POMGNT1: variants seen among roughly 807,000 people sequenced by gnomAD.
POMGNT1 encodes protein O-linked mannose N-acetylglucosaminyltransferase 1 (beta 1,2-).
In POMGNT1, 67 loss-of-function variants were observed where a neutral mutation model predicts 95.6. That is an observed-to-expected ratio of 0.70 (90% CI 0.58 to 0.86). The LOEUF is 0.86. Among genes scored for constraint, POMGNT1 ranks in the 40% least tolerant of loss-of-function variants. The pLI is 0.00. For synonymous variants in POMGNT1, 298 were observed against 317.9 expected, an observed-to-expected ratio of 0.94 and a Z score of 0.66; for missense variants, 719 against 855.2, an observed-to-expected ratio of 0.84 and a Z score of 1.99.
chr1:46,190,615 C>T lies in POMGNT1; in HGVS notation c.1605-98G>A, dbSNP rs1036658649. On this transcript the variant is annotated intron_variant, in intron 18 of 21. Transcript: ENST00000371984. The stretch of plus-strand genomic sequence containing the variant: ...AAGGGGTCACATGGGAATCTGTAGC[C>T]GCAGGGCTGGAGTAAACACACAGGC... 24 of 1,532,630 alleles carry T rather than the reference C, an allele frequency of 1.6e-5. No homozygotes were observed. In the African/African-American group the frequency reaches 1.9e-4, roughly 12 times the overall value. The allele number at this position is 1,532,630 out of a possible 1,614,324, so 94.9% of individuals were successfully genotyped here. A position where few individuals can be genotyped will look rare whatever the true frequency, so the allele number is the denominator to read the frequency against.
intron 1 of POMGNT1, among the ~76,000 whole-genome samples, chr1:46,212,393 G>A (rs970739000): frequency 6.6e-6 from 1 of 150,922 alleles, no homozygotes; most frequent in Non-Finnish European, 1.5e-5. Flanking sequence ...CCATTCTCCT[G>A]CCTCAGCCTC....
At chr1:46,197,600 T>C (rs1234774587) in intron 2 of POMGNT1, 102 bp downstream of exon 2, 7 of 1,582,510 alleles carry the variant, frequency 4.4e-6, no homozygotes, top group South Asian at 1.1e-5. Context: ...CTGCTGCCCC[T>C]TTCCCACTGG....
intron 1 of POMGNT1, among the ~76,000 whole-genome samples, chr1:46,218,025 G>C (rs1041770491): frequency 6.6e-6 from 1 of 152,140 alleles, no homozygotes; most frequent in African/African-American, 2.4e-5. Flanking sequence ...TGGGAAGTAG[G>C]ACCAGGATGG....
At chr1:46,207,215 G>A (rs775679847) in intron 1 of POMGNT1, among the ~76,000 whole-genome samples, 1 of 152,000 alleles carries the variant, frequency 6.6e-6, no homozygotes, top group African/African-American at 2.4e-5. Context: ...TGAGTAGCTG[G>A]GACTATGGGC....
chr1:46,190,820 C>T, intron 17 of POMGNT1, 36 bp from the exon 18 acceptor site: 1 of 1,563,148 alleles, frequency 6.4e-7, no homozygotes, highest in Non-Finnish European at 8.8e-7. Context: ...CAGCACCTCA[C>T]ATTGTCTGGC....
In POMGNT1 at chr1:46,213,209, G is replaced by A. The variant is rs181375290; in HGVS notation, c.-51+6496C>T. On this transcript the variant is annotated intron_variant, in intron 1 of 22. Coordinates refer to the POMGNT1 transcript ENST00000371992. The stretch of plus-strand genomic sequence containing the variant: ...ATACGACCAAAACATACGATGTTTC[G>A]ATGAACAGCATATACCATAGTGATT... 2.3e-4 allele frequency among the ~76,000 whole-genome samples: 35 copies of A among 151,222 alleles called. No homozygotes were observed. The East Asian group carries it at 2.9e-3, about 13-fold the overall frequency.
In POMGNT1 at chr1:46,193,341, A is replaced by G. The variant is rs1274829970; in HGVS notation, c.1074T>C (p.His358=). Residue 358 remains histidine, a synonymous_variant, in exon 12 of 22, where the codon CAT becomes CAC. Transcript: ENST00000371984. ...VALFGLRGIQ[H]TPISIKNARV... is the part of the protein sequence containing the mutation. The stretch of plus-strand genomic sequence containing the variant: ...GGGCATTCTTGATGCTGATGGGAGT[A>G]TGCTGGATGCCCCTCAGACCAAACA... 3.1e-6 allele frequency: 5 copies of G among 1,613,606 alleles called. No individual in the cohort carries two copies. In the East Asian group the frequency reaches 6.7e-5, roughly 22 times the overall value.
intron 1 of POMGNT1, among the ~76,000 whole-genome samples, chr1:46,206,086 C>A (rs562115206): frequency 6.6e-6 from 1 of 152,344 alleles, no homozygotes; most frequent in South Asian, 2.1e-4. Context: ...GTGGCAACTT[C>A]TTCTTAGTTC....
chr1:46,201,710 A>AAG (rs1422499927), upstream of POMGNT1, among the ~76,000 whole-genome samples: 1 of 151,694 alleles, frequency 6.6e-6, no homozygotes, highest in African/African-American at 2.4e-5. Flanking sequence ...AAAAAAAAAA[A>AAG]AAAAGAAAAA....
chr1:46,219,780 T>A lies in POMGNT1; in HGVS notation c.-126A>T, dbSNP rs1018781451. ...GGGCATCGAGGCAGTGCGCTGGCTG[T>A]TGGAGGAGCGGGGGACGTTGACCAG... On this transcript the variant is annotated 5_prime_UTR_variant, in exon 1 of 23. Transcript: ENST00000371992. 4.3e-6 allele frequency: 7 copies of A among 1,613,976 alleles called. No individual in the cohort carries two copies. The highest frequency in any genetic ancestry group is 5.9e-6 in the Non-Finnish European group (7 of 1,180,012).
chr1:46,195,256 C>T (rs1362043266), intron 6 of POMGNT1, among the ~76,000 whole-genome samples: 2 of 152,216 alleles, frequency 1.3e-5, no homozygotes, highest in African/African-American at 4.8e-5. Context: ...TTCTGCTCCA[C>T]CTCGACTAGC....
In POMGNT1 at chr1:46,196,460, T is replaced by C. The variant is rs1658247952; in HGVS notation, c.354+271A>G. ...GCCAAAGAAAGGACCAGGGGATGGTTATAAAATAAATCAATGAATTGACTG... is the reference window on the plus strand; with the variant it reads ...GCCAAAGAAAGGACCAGGGGATGGTCATAAAATAAATCAATGAATTGACTG... On this transcript the variant is annotated intron_variant, in intron 4 of 21. Coordinates refer to ENST00000371984, the MANE Select transcript of POMGNT1 (RefSeq NM_017739.4). This position sits in a 1 kb window ranked among gnomAD's most constrained non-coding sequence, Gnocchi z 4.4. Among the ~76,000 whole-genome samples, 1 of 152,240 alleles carries C rather than the reference T, an allele frequency of 6.6e-6. No individual in the cohort carries two copies. The highest frequency in any genetic ancestry group is 6.5e-5 in the Admixed American group (1 of 15,290).
intron 1 of POMGNT1, chr1:46,203,574 A>C: frequency 6.3e-7 from 1 of 1,578,078 alleles, no homozygotes; most frequent in Non-Finnish European, 8.6e-7. Flanking sequence ...AGGGGCGTCT[A>C]GCACCGGCCA....
At chr1:46,189,716 G>A (rs1657600615) in intron 20 of POMGNT1, 138 bp downstream of exon 20, 6 of 1,546,008 alleles carry the variant, frequency 3.9e-6, no homozygotes, top group Middle Eastern at 4.2e-4. Flanking sequence ...TTTGGACAAG[G>A]AGGTTGGAAG....
At position 46,196,196 on chromosome 1, in the gene POMGNT1, A is replaced by G; in HGVS notation, c.355-119T>C. 6.4e-7 allele frequency: 1 copy of G among 1,561,292 alleles called. No homozygotes were observed. Among genetic ancestry groups the G allele is most frequent in the East Asian group, 2.4e-5 (1 of 42,392 alleles). On this transcript the variant is annotated intron_variant, in intron 4 of 21. Coordinates refer to ENST00000371984, the MANE Select transcript of POMGNT1 (RefSeq NM_017739.4). The surrounding 1 kb of genome is among the most constrained non-coding windows in gnomAD (Gnocchi z 4.4). Reference sequence around the variant, plus strand: ...TCACCTCCTGCCTATGTTTCTGTTCACACAGTTCTTTTCCAACTCAGCTCG... The same window carrying G: ...TCACCTCCTGCCTATGTTTCTGTTCGCACAGTTCTTTTCCAACTCAGCTCG...
In POMGNT1 at chr1:46,193,590, T is replaced by C. The variant is rs1267806554; in HGVS notation, c.1000A>G (p.Thr334Ala). The C allele has an allele frequency of 5.6e-6, 9 of 1,614,032 alleles. No individual in the cohort carries two copies. Among genetic ancestry groups the C allele is most frequent in the Non-Finnish European group, 7.6e-6 (9 of 1,180,024 alleles). Residue 334 changes from threonine to alanine, a missense_variant, in exon 11 of 22, where the codon ACA becomes GCA. Coordinates refer to ENST00000371984, the MANE Select transcript of POMGNT1 (RefSeq NM_017739.4). Reference sequence around the variant, plus strand: ...TCATAGTAGCCGTCAATGAAAACTGTTATCATCTGAGGAGACACCCCCTGG... The same window carrying C: ...TCATAGTAGCCGTCAATGAAAACTGCTATCATCTGAGGAGACACCCCCTGG... Reference protein sequence around the residue: ...SAQGVSPQMITVFIDGYYEEP... With the variant: ...SAQGVSPQMIAVFIDGYYEEP...
chr1:46,195,677 G>A, intron 6 of POMGNT1, 134 bp downstream of exon 6: 1 of 830,544 alleles, frequency 1.2e-6, no homozygotes, highest in Non-Finnish European at 2.0e-6. Context: ...CAAATGTTAA[G>A]GCTGAGATTG....
chr1:46,190,831 C>T lies in POMGNT1; in HGVS notation c.1540-47G>A, dbSNP rs1302823300. The T allele has an allele frequency of 3.3e-6, 5 of 1,532,282 alleles. No individual in the cohort carries two copies. In the African/African-American group the frequency reaches 5.5e-5, roughly 17 times the overall value. The allele number at this position is 1,532,282 out of a possible 1,614,324, so 94.9% of individuals were successfully genotyped here. A position where few individuals can be genotyped will look rare whatever the true frequency, so the allele number is the denominator to read the frequency against. Reference sequence around the variant, plus strand: ...AAATCAGCACCTCACATTGTCTGGCCCACACCCACTTGCTGACCAGCCAGA... The same window carrying T: ...AAATCAGCACCTCACATTGTCTGGCTCACACCCACTTGCTGACCAGCCAGA... On this transcript the variant is annotated intron_variant, in intron 17 of 21. Coordinates refer to ENST00000371984, the MANE Select transcript of POMGNT1 (RefSeq NM_017739.4).
rs1230573613 is a variant in POMGNT1, at chr1:46,193,395, G to A, written c.1027-7C>T. On this transcript the variant is annotated splice_region_variant and splice_polypyrimidine_tract_variant and intron_variant, in intron 11 of 21. Transcript: ENST00000371984. Reference sequence around the variant, plus strand: ...CCACCACATCCATGGGTTCCTGGGGGACATGGCCACTGCTCACCATGTGAG... The same window carrying A: ...CCACCACATCCATGGGTTCCTGGGGAACATGGCCACTGCTCACCATGTGAG... The A allele has an allele frequency of 5.0e-6, 8 of 1,611,050 alleles. No individual in the cohort carries two copies. The highest frequency in any genetic ancestry group is 2.2e-5 in the East Asian group (1 of 44,846).
Sources: gnomAD v4.1 joint callset for allele counts (sites outside exome capture counted in the v4.1 genomes callset) on GRCh38, gnomAD v4.1.1 for gene constraint, Gnocchi (gnomAD v3.1) non-coding constraint, MANE v1.5 for transcripts, NCBI Gene and HGNC (gene_info 2026-07-23, HGNC 2026-07-21) for gene names.